The following BCAS3 variants were observed in gnomAD, a reference collection of about 807,000 sequenced individuals.
The protein encoded by BCAS3 is BCAS3 microtubule associated cell migration factor.
BCAS3 carries 53 observed loss-of-function variants against 116.1 expected under a neutral mutation model. That is an observed-to-expected ratio of 0.46 (90% CI 0.37 to 0.57). The LOEUF (loss-of-function observed/expected upper bound fraction) is 0.57. BCAS3 is among the 20% of genes least tolerant of loss of function. The pLI, the probability that BCAS3 is intolerant of heterozygous loss-of-function variation, is 0.00. For synonymous variants in BCAS3, 391 were observed against 408.2 expected, an observed-to-expected ratio of 0.96 and a Z score of 0.51; for missense variants, 917 against 1,165.4, an observed-to-expected ratio of 0.79 and a Z score of 3.10.
chr17:61,327,727 C>T lies in BCAS3; in HGVS notation c.2426-40600C>T, dbSNP rs1384062664. On this transcript the variant is annotated intron_variant, in intron 22 of 23. Transcript: ENST00000407086. The surrounding 1 kb of genome is among the most constrained non-coding windows in gnomAD (Gnocchi z 5.9). ...GTTTCACCATGTTGGCCAGGCAGGT[C>T]TCGAACTTCTGGCCTCAAGTGGTCC... 6.6e-6 allele frequency among the ~76,000 whole-genome samples: 1 copy of T among 152,166 alleles called. No individual in the cohort carries two copies. Among genetic ancestry groups the T allele is most frequent in the Non-Finnish European group, 1.5e-5 (1 of 68,038 alleles).
rs768809449 is a variant in BCAS3 at position 61,186,478 on chromosome 17, G to A, written c.2425+101914G>A. Among the ~76,000 whole-genome samples, 1 of 152,156 alleles carries A rather than the reference G, an allele frequency of 6.6e-6. No individual in the cohort carries two copies. The highest frequency in any genetic ancestry group is 2.1e-4 in the South Asian group (1 of 4,834). ...ATGTCAATTTATGCTGCGTAACTCA[G>A]AGCCTGCTTCCACTTTTTCATACTT... On this transcript the variant is annotated intron_variant, in intron 22 of 23. Transcript: ENST00000407086. This position sits in a 1 kb window ranked among gnomAD's most constrained non-coding sequence, Gnocchi z 4.9.
At chr17:60,934,432 A>G (rs2059815616) in intron 13 of BCAS3, among the ~76,000 whole-genome samples, 1 of 152,254 alleles carries the variant, frequency 6.6e-6, no homozygotes, top group Admixed American at 6.5e-5. Context: ...GTCTACAACA[A>G]ATATAACATA....
At chr17:61,022,928 C>T (rs1375496524) in intron 16 of BCAS3, among the ~76,000 whole-genome samples, 1 of 152,180 alleles carries the variant, frequency 6.6e-6, no homozygotes, top group Non-Finnish European at 1.5e-5. Context: ...CCACCATGCC[C>T]AGCCTGCTAA....
At chr17:61,312,658 C>T (rs2054406409) in intron 22 of BCAS3, among the ~76,000 whole-genome samples, 1 of 152,160 alleles carries the variant, frequency 6.6e-6, no homozygotes. Context: ...ACCAGGGGCC[C>T]TCGGGATGCT....
At chr17:60,916,409 G>A (rs1350758134) in intron 12 of BCAS3, among the ~76,000 whole-genome samples, 1 of 152,094 alleles carries the variant, frequency 6.6e-6, no homozygotes, top group Non-Finnish European at 1.5e-5. Context: ...GGAAATAAAG[G>A]CATTCTTAGA....
chr17:61,038,097 G>C (rs753839980), intron 18 of BCAS3, 43 bp downstream of exon 18: 1 of 1,542,694 alleles, frequency 6.5e-7, no homozygotes, highest in African/African-American at 1.4e-5. Context: ...GCTTCATTAA[G>C]GTATAGAAGA....
Position 61,313,468 on chromosome 17 carries a change from C to T in BCAS3, c.2426-54859C>T, listed in dbSNP as rs767924868. Among the ~76,000 whole-genome samples the T allele has an allele frequency of 4.6e-5, 7 of 152,160 alleles. No individual in the cohort carries two copies. The highest frequency in any genetic ancestry group is 2.1e-4 in the South Asian group (1 of 4,822). On this transcript the variant is annotated intron_variant, in intron 22 of 23. Transcript: ENST00000407086. The surrounding 1 kb of genome is among the most constrained non-coding windows in gnomAD (Gnocchi z 4.3). Reference sequence around the variant, plus strand: ...AGCCCAGTTGGCTCCTCTCTGAGAGCGGGTAAGAGTAGAAAAGAATTGCTG... The same window carrying T: ...AGCCCAGTTGGCTCCTCTCTGAGAGTGGGTAAGAGTAGAAAAGAATTGCTG...
At chr17:60,884,732 G>C (rs1253142652) in intron 9 of BCAS3, among the ~76,000 whole-genome samples, 1 of 146,110 alleles carries the variant, frequency 6.8e-6, no homozygotes, top group East Asian at 2.0e-4. Context: ...AGGTTGTTCA[G>C]TTTCCATGTA....
intron 5 of BCAS3, among the ~76,000 whole-genome samples, chr17:60,714,972 A>G (rs918592542): frequency 6.6e-6 from 1 of 152,076 alleles, no homozygotes; most frequent in Non-Finnish European, 1.5e-5. Flanking sequence ...AACCATCCCT[A>G]ACAATGTTAT....
chr17:60,863,162 C>G (rs566193461), intron 7 of BCAS3, among the ~76,000 whole-genome samples: 1 of 152,032 alleles, frequency 6.6e-6, no homozygotes, highest in Non-Finnish European at 1.5e-5. Context: ...CAAAAATGAT[C>G]TTTTCATCAT....
At chr17:61,036,228 G>T (rs995059241) in intron 17 of BCAS3, 11 of 152,158 alleles carry the variant, frequency 7.2e-5, no homozygotes, top group Non-Finnish European at 1.5e-4. Flanking sequence ...TGTTACTGGG[G>T]CACTTCTCTG....
rs377629187 is a variant in BCAS3 at position 61,188,368 on chromosome 17, A to G, written c.2425+103804A>G. Among the ~76,000 whole-genome samples, 1 of 152,350 alleles carries G rather than the reference A, an allele frequency of 6.6e-6. No individual in the cohort carries two copies. The highest frequency in any genetic ancestry group is 2.4e-5 in the African/African-American group (1 of 41,586). On this transcript the variant is annotated intron_variant, in intron 22 of 23. Transcript: ENST00000407086. The surrounding 1 kb of genome is among the most constrained non-coding windows in gnomAD (Gnocchi z 4.0). ...TTTGAAATGTAAAGAGAGTGCTTGT[A>G]TAATAAGAAGTGTGTTCTCCATGGA...
Position 61,098,254 on chromosome 17 carries a change from C to G in BCAS3, c.2425+13690C>G, listed in dbSNP as rs2091239296. On this transcript the variant is annotated intron_variant, in intron 22 of 23. Transcript: ENST00000407086. This position sits in a 1 kb window ranked among gnomAD's most constrained non-coding sequence, Gnocchi z 4.2. The stretch of plus-strand genomic sequence containing the variant: ...TGTTGTTACAGAATATTCATATATT[C>G]AGAACATTGGGACTGAGTTGTGCAT... 6.6e-6 allele frequency among the ~76,000 whole-genome samples: 1 copy of G among 152,132 alleles called. No individual in the cohort carries two copies. The highest frequency in any genetic ancestry group is 2.1e-4 in the South Asian group (1 of 4,828).
intron 7 of BCAS3, among the ~76,000 whole-genome samples, chr17:60,812,385 AG>A (rs1301767089): frequency 6.6e-6 from 1 of 152,154 alleles, no homozygotes; most frequent in Non-Finnish European, 1.5e-5. Flanking sequence ...GGGGATGGAG[AG>A]GGACACAATT....
At chr17:60,989,830 T>A in intron 14 of BCAS3, 141 bp from the exon 15 acceptor site, 1 of 890,046 alleles carries the variant, frequency 1.1e-6, no homozygotes. Flanking sequence ...ATCTGTAGAG[T>A]AAATTTTTAT....
chr17:61,246,333 T>G (rs886523173), intron 22 of BCAS3, among the ~76,000 whole-genome samples: 3 of 151,520 alleles, frequency 2.0e-5, no homozygotes, highest in Non-Finnish European at 2.9e-5. Context: ...ATACAAAAAT[T>G]AGCCAGTCAT....
chr17:60,683,498 A>G (rs923660546), intron 2 of BCAS3, among the ~76,000 whole-genome samples: 14 of 119,356 alleles, frequency 1.2e-4, no homozygotes, highest in Non-Finnish European at 1.4e-4. Context: ...AGGTGATAAG[A>G]GTTAGCCTTT....
intron 22 of BCAS3, among the ~76,000 whole-genome samples, chr17:61,085,853 G>A (rs561714159): frequency 3.9e-5 from 6 of 152,240 alleles, no homozygotes; most frequent in South Asian, 4.2e-4. Context: ...TGGAATGATC[G>A]TTTACAATTG....
intron 17 of BCAS3, chr17:61,036,405 T>A (rs2067035520): frequency 6.6e-6 from 1 of 152,182 alleles, no homozygotes. Context: ...GAGGATACTG[T>A]TAAGTATGCA....
Sources: allele counts gnomAD v4.1 joint callset (sites outside exome capture counted in the v4.1 genomes callset), GRCh38; gene constraint gnomAD v4.1.1; non-coding constraint Gnocchi (gnomAD v3.1); transcripts MANE v1.5; gene names NCBI Gene and HGNC (gene_info 2026-07-23, HGNC 2026-07-21).